NEGR1: variants seen among roughly 807,000 people sequenced by gnomAD.
NEGR1 encodes IgLON family member 4.
A neutral mutation model predicts 40.9 loss-of-function variants in NEGR1; 10 were observed. That is an observed-to-expected ratio of 0.24 (90% CI 0.15 to 0.42). NEGR1 has a LOEUF of 0.42. Among genes scored for constraint, NEGR1 ranks in the 10% least tolerant of loss-of-function variants. The pLI, the probability that NEGR1 is intolerant of heterozygous loss-of-function variation, is 1.00. For missense variants in NEGR1, 352 were observed against 438.9 expected (o/e 0.80, Z 1.77); for synonymous variants, 185 against 166.8 (o/e 1.11, Z -0.84).
chr1:71,603,727 A>C (rs1454240126), intron 5 of NEGR1, among the ~76,000 whole-genome samples: 1 of 152,180 alleles, frequency 6.6e-6, no homozygotes, highest in Non-Finnish European at 1.5e-5. Flanking sequence ...AGTGTGAGAA[A>C]AAAATAACAG....
intron 3 of NEGR1, among the ~76,000 whole-genome samples, chr1:71,762,002 G>A (rs6424447): frequency 0.073 from 11,068 of 152,034 alleles, 504 homozygotes; most frequent in East Asian, 0.14. Flanking sequence ...CATGTATGCA[G>A]AGAAAATATT....
chr1:71,979,466 T>C (rs1299410609), intron 1 of NEGR1, among the ~76,000 whole-genome samples: 3 of 152,080 alleles, frequency 2.0e-5, no homozygotes, highest in Non-Finnish European at 4.4e-5. Flanking sequence ...CAGATTGTGG[T>C]GAGAAGGAAA....
At chr1:71,752,982 T>C (rs955330280) in intron 3 of NEGR1, among the ~76,000 whole-genome samples, 1 of 152,182 alleles carries the variant, frequency 6.6e-6, no homozygotes, top group African/African-American at 2.4e-5. Context: ...TAGTAATTTA[T>C]ATTCTATATC....
At chr1:72,000,863 G>C (rs376181621) in intron 1 of NEGR1, among the ~76,000 whole-genome samples, 2 of 152,056 alleles carry the variant, frequency 1.3e-5, no homozygotes, top group Non-Finnish European at 2.9e-5. Flanking sequence ...CAGGTAGTTC[G>C]GGTGGGTCCT....
intron 3 of NEGR1, among the ~76,000 whole-genome samples, chr1:71,721,916 G>A (rs1654523206): frequency 6.6e-6 from 1 of 152,240 alleles, no homozygotes; most frequent in Non-Finnish European, 1.5e-5. Context: ...GTTAGTGCAA[G>A]TGAGTCCAAG....
At chr1:72,021,521 T>C (rs1646756405) in intron 1 of NEGR1, among the ~76,000 whole-genome samples, 2 of 152,002 alleles carry the variant, frequency 1.3e-5, no homozygotes, top group Non-Finnish European at 2.9e-5. Context: ...AAATCGGAGA[T>C]AAGTCATAAA....
chr1:72,145,458 T>C (rs986324579), intron 1 of NEGR1, among the ~76,000 whole-genome samples: 7 of 152,178 alleles, frequency 4.6e-5, no homozygotes, highest in African/African-American at 1.7e-4. Context: ...CAAGATGGTG[T>C]GAAACAGAAT....
At chr1:72,148,504 G>A (rs1273138232) in intron 1 of NEGR1, among the ~76,000 whole-genome samples, 1 of 151,952 alleles carries the variant, frequency 6.6e-6, no homozygotes. Flanking sequence ...TCTGCAGCTG[G>A]CTTGAATTTC....
intron 1 of NEGR1, among the ~76,000 whole-genome samples, chr1:71,938,523 C>A (rs976022650): frequency 1.3e-5 from 2 of 148,682 alleles, no homozygotes; most frequent in East Asian, 4.0e-4. Flanking sequence ...TTTTCCTTTG[C>A]AATACAAAGA....
At chr1:72,102,512 A>T (rs915302826) in intron 1 of NEGR1, among the ~76,000 whole-genome samples, 3 of 152,062 alleles carry the variant, frequency 2.0e-5, no homozygotes, top group African/African-American at 7.2e-5. Context: ...AATTCAATGA[A>T]CTACTCATAC....
chr1:71,503,126 G>T (rs547477804), intron 6 of NEGR1, among the ~76,000 whole-genome samples: 11 of 152,288 alleles, frequency 7.2e-5, no homozygotes, highest in Admixed American at 3.3e-4. Flanking sequence ...CAGGGACAAG[G>T]AAAAGTTAAA....
intron 1 of NEGR1, among the ~76,000 whole-genome samples, chr1:71,989,281 C>G (rs951640127): frequency 6.6e-6 from 1 of 152,186 alleles, no homozygotes; most frequent in Non-Finnish European, 1.5e-5. Context: ...GCCTTCCACT[C>G]CCACAGATGC....
intron 4 of NEGR1, among the ~76,000 whole-genome samples, chr1:71,685,052 C>G (rs1269078992): frequency 6.6e-6 from 1 of 151,996 alleles, no homozygotes; most frequent in Non-Finnish European, 1.5e-5. Context: ...ATAATAAATA[C>G]CAATGTATTA....
intron 1 of NEGR1, among the ~76,000 whole-genome samples, chr1:72,194,312 G>A (rs191591612): frequency 1.3e-5 from 2 of 151,896 alleles, no homozygotes; most frequent in African/African-American, 4.8e-5. Flanking sequence ...TATTCAGGAG[G>A]CTGAAACAAA....
intron 6 of NEGR1, among the ~76,000 whole-genome samples, chr1:71,578,637 G>C (rs1165104433): frequency 6.6e-6 from 1 of 151,982 alleles, no homozygotes; most frequent in Non-Finnish European, 1.5e-5. Context: ...AAATGTCTTT[G>C]GGGGGCTTCT....
At chr1:71,455,220 T>C (rs890386227) in intron 6 of NEGR1, among the ~76,000 whole-genome samples, 5 of 152,164 alleles carry the variant, frequency 3.3e-5, no homozygotes, top group Non-Finnish European at 7.3e-5. Flanking sequence ...ATACCAATAG[T>C]GCTGAGATTA....
chr1:71,913,489 T>G (rs1279518229), intron 2 of NEGR1, among the ~76,000 whole-genome samples: 2 of 152,194 alleles, frequency 1.3e-5, no homozygotes, highest in African/African-American at 2.4e-5. Context: ...GCCTGCATAA[T>G]GTCACTTCTA....
At chr1:71,663,163 T>C (rs1156847247) in intron 4 of NEGR1, among the ~76,000 whole-genome samples, 1 of 152,060 alleles carries the variant, frequency 6.6e-6, no homozygotes, top group Non-Finnish European at 1.5e-5. Context: ...TTCACCGTGT[T>C]AGCCAGGATG....
intron 6 of NEGR1, among the ~76,000 whole-genome samples, chr1:71,457,715 C>A (rs946168877): frequency 6.6e-6 from 1 of 151,520 alleles, no homozygotes; most frequent in Non-Finnish European, 1.5e-5. Context: ...TTTTTCTTTT[C>A]TTTTTTTTGA....
Sources: gnomAD v4.1 joint callset for allele counts (sites outside exome capture counted in the v4.1 genomes callset) on GRCh38, gnomAD v4.1.1 for gene constraint, MANE v1.5 for transcripts, NCBI Gene and HGNC (gene_info 2026-07-23, HGNC 2026-07-21) for gene names.